Variants in LRRC37B observed in about 807,000 individuals in gnomAD.
The protein encoded by LRRC37B is leucine-rich repeat-containing protein 37B.
Under a neutral mutation model 98.3 loss-of-function variants are expected in LRRC37B, and 28 were observed. The ratio of observed to expected loss-of-function variants is 0.28; its 90% confidence interval spans 0.21 to 0.39. The LOEUF is 0.39. Among genes scored for constraint, LRRC37B ranks in the 10% least tolerant of loss-of-function variants. The probability of loss-of-function intolerance (pLI) is 1.00; values close to 1 mark genes in which losing one functional copy is unlikely to be tolerated. For synonymous variants in LRRC37B, 364 were observed against 442.7 expected (o/e 0.82, Z 2.23); for missense variants, 938 against 1,182.7 (o/e 0.79, Z 3.03).
chr17:32,041,450 G>A (rs780980265), intron 7 of LRRC37B: 1 of 709,856 alleles, frequency 1.4e-6, no homozygotes, highest in Non-Finnish European at 2.6e-6. Context: ...ACGAGAACTG[G>A]TACCAGGGCA....
At chr17:32,021,037 C>A in exon 1 of LRRC37B, 1 of 1,595,188 alleles carries the variant, frequency 6.3e-7, no homozygotes, top group Non-Finnish European at 8.5e-7. Flanking sequence ...ATAAAGGTGA[C>A]ATAAATAAAG....
intron 9 of LRRC37B, 58 bp from the exon 13 acceptor site, chr17:32,049,044 G>A (rs1911667892): frequency 6.2e-7 from 1 of 1,610,380 alleles, no homozygotes; most frequent in Non-Finnish European, 8.5e-7. Flanking sequence ...CAACAATGTG[G>A]GCATTGACTT....
At chr17:32,015,008 T>C in intron 1 of LRRC37B, among the ~76,000 whole-genome samples, 1 of 152,136 alleles carries the variant, frequency 6.6e-6, no homozygotes, top group African/African-American at 2.4e-5. Context: ...GGTGGACTCC[T>C]GTAATCCCAG....
intron 1 of LRRC37B, among the ~76,000 whole-genome samples, chr17:32,015,505 A>G (rs1235408287): frequency 1.3e-5 from 2 of 152,150 alleles, no homozygotes; most frequent in East Asian, 1.9e-4. Flanking sequence ...TCAGATACCA[A>G]TTAGAAACAA....
At chr17:32,047,730 A>G (rs1367970548) in intron 8 of LRRC37B, 31 bp from the exon 12 acceptor site, 3 of 1,613,730 alleles carry the variant, frequency 1.9e-6, no homozygotes, top group Non-Finnish European at 2.5e-6. Context: ...AAGATATTTC[A>G]TGATCAAAGC....
chr17:32,021,177 C>T (rs780110966), exon 1 of LRRC37B: 3 of 1,613,508 alleles, frequency 1.9e-6, no homozygotes, highest in Middle Eastern at 1.8e-4. Context: ...GGGCCCATGG[C>T]CCCTCCTTAC....
chr17:32,029,342 A>G (rs1911049523), intron 3 of LRRC37B, among the ~76,000 whole-genome samples: 1 of 152,032 alleles, frequency 6.6e-6, no homozygotes, highest in African/African-American at 2.4e-5. Flanking sequence ...CTTTATTTCC[A>G]TGTGTCAGTT....
chr17:32,048,256 CA>C (rs1911645955), intron 9 of LRRC37B, among the ~76,000 whole-genome samples: 1 of 151,324 alleles, frequency 6.6e-6, no homozygotes, highest in Non-Finnish European at 1.5e-5. Flanking sequence ...AAAGGCACTT[CA>C]AAAAGGTGGG....
chr17:32,008,708 G>C (rs1910465170), intron 1 of LRRC37B, among the ~76,000 whole-genome samples: 1 of 152,136 alleles, frequency 6.6e-6, no homozygotes. Context: ...TGGTTAGTAG[G>C]GGAACTTTAC....
At chr17:32,021,966 G>A in exon 1 of LRRC37B, 1 of 1,614,080 alleles carries the variant, frequency 6.2e-7, no homozygotes, top group Non-Finnish European at 8.5e-7. Flanking sequence ...GACCCTTGAA[G>A]ACATCCAGTC....
chr17:32,021,279 C>G, exon 1 of LRRC37B: 1 of 1,613,070 alleles, frequency 6.2e-7, no homozygotes, highest in Non-Finnish European at 8.5e-7. Context: ...CCTGGGGCCA[C>G]CTGAGCCCTG....
At chr17:32,037,616 T>G (rs1911283527) in intron 7 of LRRC37B, among the ~76,000 whole-genome samples, 1 of 152,224 alleles carries the variant, frequency 6.6e-6, no homozygotes, top group Admixed American at 6.5e-5. Context: ...TTCACCTTTC[T>G]ACTGCTAGAT....
chr17:32,022,907 T>G (rs1485133758), intron 1 of LRRC37B, 82 bp downstream of exon 4: 2 of 1,358,914 alleles, frequency 1.5e-6, no homozygotes, highest in East Asian at 4.6e-5. Flanking sequence ...TGGGCCTTCT[T>G]TATCTCCCCA....
intron 7 of LRRC37B, among the ~76,000 whole-genome samples, chr17:32,039,441 C>T (rs1306412415): frequency 1.5e-5 from 2 of 136,104 alleles, no homozygotes; most frequent in African/African-American, 5.5e-5. Flanking sequence ...GACACCACTG[C>T]ACTCCAGCCT....
chr17:32,053,217 T>C, intron 11 of LRRC37B, 49 bp from the exon 15 acceptor site: 1 of 1,242,478 alleles, frequency 8.0e-7, no homozygotes, highest in African/African-American at 1.5e-5. Flanking sequence ...ACATTGGAGA[T>C]AGTGGTTGTT....
intron 1 of LRRC37B, among the ~76,000 whole-genome samples, chr17:32,011,316 C>T (rs570862563): frequency 2.6e-5 from 4 of 151,400 alleles, no homozygotes; most frequent in African/African-American, 7.3e-5. Flanking sequence ...TTTTTAATGG[C>T]TGAATAATAT....
At chr17:32,037,183 G>A (rs796219768) in intron 7 of LRRC37B, among the ~76,000 whole-genome samples, 1 of 152,050 alleles carries the variant, frequency 6.6e-6, no homozygotes, top group African/African-American at 2.4e-5. Flanking sequence ...GTTTCACCAT[G>A]TTGGCCAGGC....
At chr17:32,050,852 C>T (rs2627112) in intron 11 of LRRC37B, among the ~76,000 whole-genome samples, 3 of 152,210 alleles carry the variant, frequency 2.0e-5, no homozygotes, top group African/African-American at 7.2e-5. Flanking sequence ...TTACAGTGCC[C>T]ATTCCTGGAG....
upstream of LRRC37B, among the ~76,000 whole-genome samples, chr17:32,018,608 G>A (rs923774347): frequency 4.6e-5 from 7 of 152,074 alleles, no homozygotes; most frequent in Non-Finnish European, 8.8e-5. Context: ...CAGGAGTAAG[G>A]GATGCTGGGC....
Sources: allele counts gnomAD v4.1 joint callset (sites outside exome capture counted in the v4.1 genomes callset), GRCh38; gene constraint gnomAD v4.1.1; transcripts MANE v1.5; gene names NCBI Gene and HGNC (gene_info 2026-07-23, HGNC 2026-07-21).